Variants in ZWILCH observed in about 807,000 individuals in gnomAD.
ZWILCH encodes zwilch kinetochore protein.
ZWILCH carries 74 observed loss-of-function variants against 79.9 expected under a neutral mutation model. The observed-to-expected ratio is 0.93, with a 90% CI of 0.77 to 1.12. The LOEUF (loss-of-function observed/expected upper bound fraction) is 1.12, where lower values mean the gene tolerates loss of function less well. Among genes scored for constraint, ZWILCH ranks in the 50% most tolerant of loss-of-function variants. The probability of loss-of-function intolerance (pLI) is 0.00; values close to 1 mark genes in which losing one functional copy is unlikely to be tolerated. For missense variants in ZWILCH, 694 were observed against 687.5 expected (o/e 1.01, Z -0.11); for synonymous variants, 241 against 228.2 (o/e 1.06, Z -0.51).
chr15:66,524,669 T>C (rs895813356), intron 8 of ZWILCH: 1 of 152,248 alleles, frequency 6.6e-6, no homozygotes, highest in Non-Finnish European at 1.5e-5. Context: ...TTTACTTATC[T>C]GTCTCCTCTA....
intron 2 of ZWILCH, among the ~76,000 whole-genome samples, chr15:66,511,787 G>A (rs1894076197): frequency 6.6e-6 from 1 of 151,880 alleles, no homozygotes; most frequent in African/African-American, 2.4e-5. Context: ...TGTTAATTTT[G>A]TATTTTTAGT....
intron 15 of ZWILCH, among the ~76,000 whole-genome samples, chr15:66,536,481 A>C (rs905461239): frequency 6.6e-6 from 1 of 152,234 alleles, no homozygotes; most frequent in East Asian, 1.9e-4. Flanking sequence ...CATTGCTGTA[A>C]TTGTAGAGAC....
At chr15:66,519,274 C>CA (rs1234474314) in intron 5 of ZWILCH, 196 bp downstream of exon 5, 18 of 589,622 alleles carry the variant, frequency 3.1e-5, no homozygotes, top group Non-Finnish European at 5.4e-5. Context: ...AACAGATCTC[C>CA]AAAAGTCTGG....
At chr15:66,531,782 G>A (rs952215575) in intron 12 of ZWILCH, among the ~76,000 whole-genome samples, 41 of 151,950 alleles carry the variant, frequency 2.7e-4, no homozygotes, top group African/African-American at 7.7e-4. Flanking sequence ...AAAAACTGAC[G>A]TTCTGGCCGA....
intron 14 of ZWILCH, 63 bp downstream of exon 14, chr15:66,533,076 A>G (rs1894903852): frequency 1.7e-6 from 2 of 1,147,738 alleles, no homozygotes; most frequent in Middle Eastern, 2.0e-4. Context: ...GTGTGCAGTT[A>G]TTAACTGCCA....
intron 14 of ZWILCH, among the ~76,000 whole-genome samples, chr15:66,533,726 A>ACG (rs1384542559): frequency 1.4e-5 from 2 of 146,758 alleles, no homozygotes; most frequent in African/African-American, 5.0e-5. Context: ...ACACACACAC[A>ACG]CGCGCACACA....
intron 14 of ZWILCH, among the ~76,000 whole-genome samples, 176 bp from the exon 15 acceptor site, chr15:66,535,757 A>G (rs533502263): frequency 3.9e-4 from 59 of 150,426 alleles, no homozygotes; most frequent in African/African-American, 1.4e-3. Flanking sequence ...ACTATAATTT[A>G]GTTTGAATAA....
chr15:66,539,654 C>T (rs1895130414), intron 16 of ZWILCH, among the ~76,000 whole-genome samples: 1 of 152,174 alleles, frequency 6.6e-6, no homozygotes, highest in Admixed American at 6.6e-5. Flanking sequence ...TTAAATGTCT[C>T]CTATCACAGG....
Position 66,533,939 on chromosome 15 carries a change from T to G in ZWILCH, c.1341+926T>G, listed in dbSNP as rs968789756. Reference sequence around the variant, plus strand: ...CTGGGCAACATAGGGAGACTCCATCTCTACAAAAATAAAAAAATTAGCCAG... The same window carrying G: ...CTGGGCAACATAGGGAGACTCCATCGCTACAAAAATAAAAAAATTAGCCAG... On this transcript the variant is annotated intron_variant, in intron 14 of 18. Coordinates refer to ENST00000307897, the MANE Select transcript of ZWILCH (RefSeq NM_017975.5). 2.0e-5 allele frequency among the ~76,000 whole-genome samples: 3 copies of G among 152,116 alleles called. No homozygotes were observed. In the East Asian group the frequency reaches 5.8e-4, roughly 29 times the overall value.
intron 17 of ZWILCH, among the ~76,000 whole-genome samples, chr15:66,546,346 A>G (rs1442600087): frequency 6.6e-6 from 1 of 152,238 alleles, no homozygotes; most frequent in Admixed American, 6.5e-5. Flanking sequence ...CAAATTAAAA[A>G]GATATAATTA....
intron 2 of ZWILCH, among the ~76,000 whole-genome samples, chr15:66,511,034 C>T (rs573264127): frequency 6.6e-6 from 1 of 152,322 alleles, no homozygotes; most frequent in South Asian, 2.1e-4. Flanking sequence ...CTTCAACCCA[C>T]AACAGTACCT....
rs1195608400 is a variant in ZWILCH at position 66,505,365 on chromosome 15, A to G, written c.27A>G (p.Ala9=). 4 of 1,614,180 alleles carry G rather than the reference A, an allele frequency of 2.5e-6. No individual in the cohort carries two copies. The highest frequency in any genetic ancestry group is 1.7e-5 in the Admixed American group (1 of 60,032). The change falls in exon 1 of 19, where the codon GCA becomes GCG. Residue 9 remains alanine (A), a synonymous_variant. Transcript: ENST00000307897. The part of the protein sequence containing the change: MWERLNCA[A]EDFYSRLLQK... The stretch of plus-strand genomic sequence containing the variant: ...TGTGGGAGCGGCTGAACTGCGCAGC[A>G]GAGGACTTTTATTCTCGTCTCCTTC...
At chr15:66,525,168 T>A (rs184830681) in intron 8 of ZWILCH, among the ~76,000 whole-genome samples, 1 of 152,358 alleles carries the variant, frequency 6.6e-6, no homozygotes, top group East Asian at 1.9e-4. Flanking sequence ...AAATCTCATA[T>A]TTCACTTTAG....
intron 7 of ZWILCH, chr15:66,523,406 G>A (rs1030887692): frequency 3.4e-6 from 1 of 293,870 alleles, no homozygotes; most frequent in African/African-American, 2.2e-5. Flanking sequence ...AGGCAGGGGA[G>A]TGTGTGAGGA....
chr15:66,510,399 AT>A (rs746161042), intron 2 of ZWILCH, among the ~76,000 whole-genome samples: 10,466 of 142,486 alleles, frequency 0.073, 1,315 homozygotes, highest in African/African-American at 0.27. Context: ...AAAAAAAAAA[AT>A]ATCAATGAGA....
At chr15:66,538,744 C>T (rs1350287309) in intron 16 of ZWILCH, among the ~76,000 whole-genome samples, 1 of 152,174 alleles carries the variant, frequency 6.6e-6, no homozygotes, top group Non-Finnish European at 1.5e-5. Flanking sequence ...GAACCTATCT[C>T]CTTATTTTCT....
At chr15:66,510,204 T>TAAATA (rs569377201) in intron 2 of ZWILCH, among the ~76,000 whole-genome samples, 7 of 138,538 alleles carry the variant, frequency 5.1e-5, no homozygotes, top group Non-Finnish European at 6.2e-5. Flanking sequence ...TAAAATAAAA[T>TAAATA]AAATAAAATA....
rs374127628 is a variant in ZWILCH at position 66,523,731 on chromosome 15, G to A, written c.802G>A (p.Glu268Lys). Residue 268 changes from glutamate (E) to lysine (K), a missense_variant, in exon 8 of 19, where the codon GAA (glutamate) becomes AAA (lysine). Glu to Lys is a moderately conservative substitution (Grantham distance 56, BLOSUM62 1). Transcript: ENST00000307897. Reference protein sequence around the residue: ...PRGPLNHLYRELKFLLVLADG... With the variant: ...PRGPLNHLYRKLKFLLVLADG... The stretch of plus-strand genomic sequence containing the variant: ...AGGTCCTTTGAATCATCTCTACAGA[G>A]AACTGAAATTTCTTCTTGTGAGTAT... 1 of 1,610,020 alleles carries A rather than the reference G, an allele frequency of 6.2e-7. No homozygotes were observed. Among genetic ancestry groups the A allele is most frequent in the Non-Finnish European group, 8.5e-7 (1 of 1,177,356 alleles).
At chr15:66,544,724 T>TGTGTGTGTGTGTGTGTGTGTGTGTG (rs1555426548) in intron 17 of ZWILCH, among the ~76,000 whole-genome samples, 9 of 128,544 alleles carry the variant, frequency 7.0e-5, no homozygotes, top group African/African-American at 2.8e-4. Context: ...TTTTTGGTTT[T>TGTGTGTGTGTGTGTGTGTGTGTGTG]TGTGTGTGTG....
Sources: allele counts gnomAD v4.1 joint callset (sites outside exome capture counted in the v4.1 genomes callset), GRCh38; gene constraint gnomAD v4.1.1; transcripts MANE v1.5; gene names NCBI Gene and HGNC (gene_info 2026-07-23, HGNC 2026-07-21).